The following CPA6 variants were observed in gnomAD, a reference collection of about 807,000 sequenced individuals.
The protein encoded by CPA6 is carboxypeptidase A6, also known as carboxypeptidase B.
CPA6 carries 58 observed loss-of-function variants against 63.3 expected under a neutral mutation model. The observed-to-expected ratio is 0.92, with a 90% confidence interval of 0.74 to 1.14. CPA6 has a LOEUF of 1.14. Ranked by LOEUF, CPA6 falls within the 50% of genes most tolerant of loss-of-function variation. The pLI is 0.00. For missense variants in CPA6, 565 were observed against 526.6 expected, an observed-to-expected ratio of 1.07 and a Z score of -0.71; for synonymous variants, 185 against 179.0, an observed-to-expected ratio of 1.03 and a Z score of -0.27.
At chr8:67,690,658 GAGGAAATATTAGAAA>G (rs779109137) in intron 1 of CPA6, among the ~76,000 whole-genome samples, 144 of 152,264 alleles carry the variant, frequency 9.5e-4, no homozygotes, top group Middle Eastern at 6.8e-3. Context: ...CACATTAGAA[GAGGAAATATTAGAAA>G]AGAATATTAG....
At chr8:67,622,991 A>G (rs181822410) in intron 2 of CPA6, among the ~76,000 whole-genome samples, 3 of 152,358 alleles carry the variant, frequency 2.0e-5, no homozygotes, top group Admixed American at 2.0e-4. Context: ...ATGGAGTTAC[A>G]GAAATGCTCT....
intron 2 of CPA6, among the ~76,000 whole-genome samples, chr8:67,596,531 CTT>C (rs547099824): frequency 1.8e-4 from 26 of 141,908 alleles, no homozygotes; most frequent in Admixed American, 2.8e-4. Context: ...GAATTTATTT[CTT>C]TTTTTTTTTT....
chr8:67,718,650 T>A (rs1325354518), intron 1 of CPA6, among the ~76,000 whole-genome samples: 1 of 139,206 alleles, frequency 7.2e-6, no homozygotes, highest in Non-Finnish European at 1.6e-5. Context: ...ACAGCTGAAG[T>A]TTTTTTTTTT....
intron 1 of CPA6, among the ~76,000 whole-genome samples, chr8:67,678,264 A>ACACACACACAC (rs1456845314): frequency 2.7e-5 from 3 of 110,686 alleles, no homozygotes; most frequent in Admixed American, 8.4e-5. Flanking sequence ...CACACACACA[A>ACACACACACAC]ACCCTGATGA....
intron 2 of CPA6, among the ~76,000 whole-genome samples, chr8:67,611,303 C>T (rs1814801855): frequency 1.3e-5 from 2 of 152,132 alleles, no homozygotes; most frequent in Admixed American, 6.5e-5. Flanking sequence ...AGGCTGGTCT[C>T]AAACACTTGA....
At chr8:67,462,592 ACCCATT>A (rs1169888337) in intron 8 of CPA6, among the ~76,000 whole-genome samples, 1 of 152,158 alleles carries the variant, frequency 6.6e-6, no homozygotes, top group Non-Finnish European at 1.5e-5. Flanking sequence ...ATTGCCAAAG[ACCCATT>A]CACACTCAAA....
At chr8:67,683,559 G>A (rs571939398) in intron 1 of CPA6, among the ~76,000 whole-genome samples, 1 of 151,920 alleles carries the variant, frequency 6.6e-6, no homozygotes, top group East Asian at 1.9e-4. Flanking sequence ...ACCATTTATC[G>A]ATACAAACTT....
At chr8:67,522,125 T>C (rs1285275882) in intron 2 of CPA6, among the ~76,000 whole-genome samples, 1 of 151,906 alleles carries the variant, frequency 6.6e-6, no homozygotes. Context: ...AAGAGCTGAG[T>C]GAGAACTTCC....
Position 67,539,601 on chromosome 8 carries a change from G to A in CPA6, c.193-21554C>T, listed in dbSNP as rs187709575. ...TATCCTGAAGAGTGTTTTCCAACTT[G>A]GTTCAATTCTCCCCGTCACTTTCAG... is the stretch of plus-strand genomic sequence containing the variant. On this transcript the variant is annotated intron_variant, in intron 2 of 10. Transcript: ENST00000297770. 4.9e-3 allele frequency among the ~76,000 whole-genome samples: 746 copies of A among 152,236 alleles called. 5 individuals are homozygous for A. Among genetic ancestry groups the A allele is most frequent in the Middle Eastern group, 0.014 (4 of 292 alleles).
At chr8:67,622,549 T>C (rs1815106461) in intron 2 of CPA6, among the ~76,000 whole-genome samples, 1 of 152,156 alleles carries the variant, frequency 6.6e-6, no homozygotes, top group Admixed American at 6.6e-5. Flanking sequence ...TCAATACTAT[T>C]TGTATAGGGG....
intron 3 of CPA6, among the ~76,000 whole-genome samples, chr8:67,515,624 C>T (rs1812128285): frequency 6.8e-6 from 1 of 148,078 alleles, no homozygotes; most frequent in South Asian, 2.1e-4. Flanking sequence ...TTTCCTCGAA[C>T]TCTTGGCCTG....
intron 8 of CPA6, among the ~76,000 whole-genome samples, chr8:67,475,251 T>G (rs1187534418): frequency 6.6e-6 from 1 of 152,230 alleles, no homozygotes; most frequent in Non-Finnish European, 1.5e-5. Flanking sequence ...CAAGTGCAGA[T>G]AAGATTGTTT....
At chr8:67,424,952 C>T (rs1809851763) in intron 10 of CPA6, among the ~76,000 whole-genome samples, 1 of 152,212 alleles carries the variant, frequency 6.6e-6, no homozygotes, top group African/African-American at 2.4e-5. Context: ...TAGAGGTAGC[C>T]TGCAGCCTGG....
At chr8:67,575,335 T>C (rs925653995) in intron 2 of CPA6, among the ~76,000 whole-genome samples, 1 of 152,178 alleles carries the variant, frequency 6.6e-6, no homozygotes, top group Non-Finnish European at 1.5e-5. Flanking sequence ...GGTGCTTCCT[T>C]TAAAATCTGA....
chr8:67,630,083 C>G (rs1260208665), intron 1 of CPA6, among the ~76,000 whole-genome samples: 2 of 149,792 alleles, frequency 1.3e-5, no homozygotes, highest in South Asian at 4.2e-4. Context: ...CCAGTCCGGG[C>G]GACAGAGTGA....
rs930077785 is a variant in CPA6, at chr8:67,677,311, T to C, written c.117-53060A>G. Among the ~76,000 whole-genome samples the C allele has an allele frequency of 2.0e-5, 3 of 151,704 alleles. No homozygotes were observed. The East Asian group carries it at 5.8e-4, about 29-fold the overall frequency. On this transcript the variant is annotated intron_variant, in intron 1 of 10. Coordinates refer to ENST00000297770, the MANE Select transcript of CPA6 (RefSeq NM_020361.5). ...ACTGCCTAGTCATTTCTGCTGAAAA[T>C]TCATCTCTTTATTCATTTTCAAAAC...
At chr8:67,506,304 G>T (rs1811925328) in intron 6 of CPA6, among the ~76,000 whole-genome samples, 2 of 152,110 alleles carry the variant, frequency 1.3e-5, no homozygotes, top group African/African-American at 4.8e-5. Context: ...GATGCTAAAG[G>T]TCTTCTGGTA....
At chr8:67,456,048 T>C (rs1467979853) in intron 8 of CPA6, among the ~76,000 whole-genome samples, 1 of 152,202 alleles carries the variant, frequency 6.6e-6, no homozygotes, top group Non-Finnish European at 1.5e-5. Context: ...ATTGATAGTT[T>C]ATGGTTCCAG....
Position 67,704,912 on chromosome 8 carries a change from C to T in CPA6, c.116+41102G>A, listed in dbSNP as rs569223005. ...AGAAGTGGGAGAAAATTATAAAAGT[C>T]GGCCTTAGAAACCAGTGCCCCTATG... On this transcript the variant is annotated intron_variant, in intron 1 of 10. Transcript: ENST00000297770. Among the ~76,000 whole-genome samples the T allele has an allele frequency of 5.9e-5, 9 of 152,214 alleles. No homozygotes were observed. In the South Asian group the frequency reaches 8.3e-4, roughly 14 times the overall value.
Sources: gnomAD v4.1 joint callset for allele counts (sites outside exome capture counted in the v4.1 genomes callset) on GRCh38, gnomAD v4.1.1 for gene constraint, MANE v1.5 for transcripts, NCBI Gene and HGNC (gene_info 2026-07-23, HGNC 2026-07-21) for gene names.